The following SPINK1 variants were observed in gnomAD, a reference collection of about 807,000 sequenced individuals.
SPINK1 encodes serine peptidase inhibitor Kazal type 1, also known as serine protease inhibitor Kazal-type 1.
In SPINK1, 5 loss-of-function variants were observed where a neutral mutation model predicts 9.5. The ratio of observed to expected loss-of-function variants is 0.52; its 90% CI spans 0.27 to 1.10. SPINK1 has a LOEUF of 1.10. Among genes scored for constraint, SPINK1 ranks in the 50% least tolerant of loss-of-function variants. The pLI is 0.11. For synonymous variants in SPINK1, 37 were observed against 32.3 expected (o/e 1.14, Z -0.49); for missense variants, 88 against 92.7 (o/e 0.95, Z 0.21).
At chr5:147,836,926 C>A in the SPINK1 span, among the ~76,000 whole-genome samples, 173 of 152,256 alleles carry the variant, frequency 1.1e-3, no homozygotes, top group Non-Finnish European at 1.8e-3. Flanking sequence ...AAAGACAGTT[C>A]TTTCCCTAAA....
chr5:147,828,066 A>G lies in SPINK1; in HGVS notation c.150T>C (p.Asp50=). The G allele has an allele frequency of 1.2e-6, 2 of 1,613,696 alleles. No individual in the cohort carries two copies. The highest frequency in any genetic ancestry group is 1.7e-6 in the Non-Finnish European group (2 of 1,179,892). The stretch of plus-strand genomic sequence containing the variant: ...CGCATTCATTGGGATAAGTATTTCC[A>G]TCAGTCCCACAGACAGGGTCATATA... The part of the protein sequence containing the change: ...TKIYDPVCGT[D]GNTYPNECVL... The change falls in exon 3 of 4, where the codon GAT becomes GAC. Residue 50 remains aspartate, a synonymous_variant. Coordinates refer to ENST00000296695, the MANE Select transcript of SPINK1 (RefSeq NM_001379610.1).
At chr5:147,831,381 A>G in intron 1 of SPINK1, 142 bp downstream of exon 1, 1 of 1,053,460 alleles carries the variant, frequency 9.5e-7, no homozygotes, top group Non-Finnish European at 1.4e-6. Context: ...AATAATTCTT[A>G]CCTGTTGATT....
At chr5:147,824,780 G>A (rs1756370351) in intron 3 of SPINK1, 74 bp from the exon 4 acceptor site, 2 of 1,351,238 alleles carry the variant, frequency 1.5e-6, no homozygotes, top group Admixed American at 1.7e-5. Context: ...AGAAAAACAG[G>A]GGGAAAAATA....
the SPINK1 span, among the ~76,000 whole-genome samples, chr5:147,837,431 A>G: frequency 6.6e-6 from 1 of 152,140 alleles, no homozygotes; most frequent in Non-Finnish European, 1.5e-5. Context: ...ATGAGGAATT[A>G]AGAGGATAAT....
chr5:147,836,741 G>A, the SPINK1 span, among the ~76,000 whole-genome samples: 7 of 152,208 alleles, frequency 4.6e-5, no homozygotes, highest in East Asian at 1.9e-4. Flanking sequence ...GTCATTTCCC[G>A]CCAAGCAGTA....
At chr5:147,838,683 T>G in the SPINK1 span, among the ~76,000 whole-genome samples, 1 of 152,196 alleles carries the variant, frequency 6.6e-6, no homozygotes, top group Non-Finnish European at 1.5e-5. Context: ...TCTCCAGTTC[T>G]CTTGAGAGCA....
At chr5:147,829,731 T>C (rs1219249550) in intron 1 of SPINK1, 101 bp from the exon 2 acceptor site, 13 of 1,065,480 alleles carry the variant, frequency 1.2e-5, no homozygotes, top group Non-Finnish European at 1.9e-5. Context: ...GTGACTTCTT[T>C]ACTAGGCTCT....
chr5:147,826,651 T>C (rs957087756), intron 3 of SPINK1, among the ~76,000 whole-genome samples: 2 of 152,298 alleles, frequency 1.3e-5, no homozygotes, highest in East Asian at 3.9e-4. Flanking sequence ...AGAACATGGG[T>C]CATGAGAAAA....
upstream of SPINK1, among the ~76,000 whole-genome samples, chr5:147,836,291 C>A (rs1756593246): frequency 8.0e-6 from 1 of 125,058 alleles, no homozygotes; most frequent in Non-Finnish European, 1.6e-5. Flanking sequence ...ATGGTATTTA[C>A]TGATTTGTGT....
upstream of SPINK1, among the ~76,000 whole-genome samples, chr5:147,836,349 G>A (rs1226929735): frequency 6.7e-6 from 1 of 149,088 alleles, no homozygotes; most frequent in African/African-American, 2.5e-5. Flanking sequence ...TAATGTCATG[G>A]TTAGAACATT....
chr5:147,825,469 T>C (rs1049315898), intron 3 of SPINK1, among the ~76,000 whole-genome samples: 1 of 151,204 alleles, frequency 6.6e-6, no homozygotes, highest in African/African-American at 2.4e-5. Context: ...TAAGACAGAG[T>C]CTCACTCTGT....
In SPINK1 at chr5:147,824,664, G is replaced by C. The variant is rs768532836; in HGVS notation, c.237C>G (p.Cys79Trp). The change falls in exon 4 of 4, where the codon TGC becomes TGG. Residue 79 changes from cysteine to tryptophan, a missense_variant. By Grantham distance (215) the Cys-to-Trp change is radical (BLOSUM62 -2). Coordinates refer to ENST00000296695, the MANE Select transcript of SPINK1 (RefSeq NM_001379610.1). ...TSILIQKSGPC is the reference protein window; with the variant it reads ...TSILIQKSGPW ...TGGGATTTCAAAACCTTGGTTCTCA[G>C]CAAGGCCCAGATTTTTGAATGAGGA... 6.2e-7 allele frequency: 1 copy of C among 1,613,998 alleles called. No individual in the cohort carries two copies. Among genetic ancestry groups the C allele is most frequent in the Non-Finnish European group, 8.5e-7 (1 of 1,179,952 alleles).
rs1330036204 is a variant in SPINK1, at chr5:147,828,117, G to A, written c.99C>T (p.Tyr33=). Residue 33 remains tyrosine, a synonymous_variant, in exon 3 of 4, where the codon TAC becomes TAT. Coordinates refer to ENST00000296695, the MANE Select transcript of SPINK1 (RefSeq NM_001379610.1). The part of the protein sequence containing the change: ...ADSLGREAKC[Y]NELNGCTKIY... ...TCTTGGTGCATCCATTAAGTTCATT[G>A]TAACATTTGGCCTAAAAATGGAATT... 11 of 1,612,648 alleles carry A rather than the reference G, an allele frequency of 6.8e-6. No homozygotes were observed. Among genetic ancestry groups the A allele is most frequent in the Non-Finnish European group, 8.5e-6 (10 of 1,179,332 alleles).
At chr5:147,838,003 C>T in the SPINK1 span, among the ~76,000 whole-genome samples, 1 of 152,068 alleles carries the variant, frequency 6.6e-6, no homozygotes, top group Non-Finnish European at 1.5e-5. Flanking sequence ...TGCCCAGCCA[C>T]ATTAACTTTT....
chr5:147,825,875 T>G (rs1165455513), intron 3 of SPINK1, among the ~76,000 whole-genome samples: 1 of 152,244 alleles, frequency 6.6e-6, no homozygotes, highest in Non-Finnish European at 1.5e-5. Flanking sequence ...TGCTGTTCAC[T>G]CTAGTTTCAT....
chr5:147,825,565 C>T (rs1326507558), intron 3 of SPINK1, among the ~76,000 whole-genome samples: 3 of 152,000 alleles, frequency 2.0e-5, no homozygotes, highest in Non-Finnish European at 2.9e-5. Flanking sequence ...CCTCAGCCTC[C>T]CAAGTAGCTG....
Position 147,828,861 on chromosome 5 carries a change from A to G in SPINK1, c.88-733T>C, listed in dbSNP as rs188971886. On this transcript the variant is annotated intron_variant, in intron 2 of 3. Coordinates refer to ENST00000296695, the MANE Select transcript of SPINK1 (RefSeq NM_001379610.1). ...TAGCTCTTAAGTACTTTATTCTACT[A>G]CATCTCCCCACCAGTTTTGTTTTAC... Among the ~76,000 whole-genome samples the G allele has an allele frequency of 2.0e-3, 302 of 152,174 alleles. 2 individuals carry two copies. Among genetic ancestry groups the G allele is most frequent in the African/African-American group, 6.6e-3 (274 of 41,514 alleles).
intron 1 of SPINK1, among the ~76,000 whole-genome samples, chr5:147,830,091 T>G (rs1022235095): frequency 4.6e-5 from 7 of 152,248 alleles, no homozygotes; most frequent in African/African-American, 1.7e-4. Flanking sequence ...ACAGTTATCA[T>G]AAGCAGTAAC....
chr5:147,825,207 G>C (rs940466634), intron 3 of SPINK1, among the ~76,000 whole-genome samples: 5 of 152,026 alleles, frequency 3.3e-5, no homozygotes, highest in African/African-American at 1.2e-4. Flanking sequence ...CTCCCCTCCA[G>C]ATAAAACCTC....
Sources: gnomAD v4.1 joint callset for allele counts (sites outside exome capture counted in the v4.1 genomes callset) on GRCh38, gnomAD v4.1.1 for gene constraint, MANE v1.5 for transcripts, NCBI Gene and HGNC (gene_info 2026-07-23, HGNC 2026-07-21) for gene names.